Variants in SAMMSON observed in about 807,000 individuals in gnomAD.
The protein encoded by SAMMSON is long intergenic non-protein coding RNA 1212.
chr3:70,016,868 G>C (rs5956402), intron 3 of SAMMSON, among the ~76,000 whole-genome samples: 92 of 152,064 alleles, frequency 6.1e-4, no homozygotes, highest in African/African-American at 1.6e-3. Flanking sequence ...TCTTGTTTTT[G>C]TCAGGTTTGT....
intron 2 of SAMMSON, among the ~76,000 whole-genome samples, chr3:70,403,733 TTATAA>T (rs112936819): frequency 1.3e-3 from 194 of 152,288 alleles, no homozygotes; most frequent in African/African-American, 4.4e-3. Flanking sequence ...TATAGAAATC[TTATAA>T]TAGGATACTA....
At chr3:70,324,827 TAAA>T (rs1394880046) in intron 7 of SAMMSON, among the ~76,000 whole-genome samples, 15 of 151,218 alleles carry the variant, frequency 9.9e-5, no homozygotes, top group African/African-American at 3.6e-4. Context: ...TCATGATATA[TAAA>T]CAGGTGATAG....
intron 2 of SAMMSON, among the ~76,000 whole-genome samples, chr3:70,411,132 G>T (rs960879674): frequency 2.0e-5 from 3 of 152,158 alleles, no homozygotes; most frequent in Non-Finnish European, 2.9e-5. Flanking sequence ...GGTACAGCCT[G>T]TAAAGGAGAT....
Position 70,256,030 on chromosome 3 carries a change from A to G in SAMMSON, n.674+6360A>G, listed in dbSNP as rs1314566822. On this transcript the variant is annotated intron_variant and non_coding_transcript_variant, in intron 6 of 9. Coordinates refer to ENST00000642114, the Ensembl canonical transcript of SAMMSON. ...TGAACCAGTTTATAGGTGTAATAGT[A>G]CCACCCCAAATTATTTTTTTGATAC... 2.6e-5 allele frequency among the ~76,000 whole-genome samples: 4 copies of G among 152,196 alleles called. No homozygotes were observed. In the South Asian group the frequency reaches 6.2e-4, roughly 24 times the overall value.
At chr3:70,218,911 A>T (rs1701437983) in intron 4 of SAMMSON, among the ~76,000 whole-genome samples, 1 of 152,164 alleles carries the variant, frequency 6.6e-6, no homozygotes, top group Admixed American at 6.6e-5. Flanking sequence ...AGAGTGTTAA[A>T]ATAAGCTACC....
chr3:70,395,331 C>CTCT lies in SAMMSON; in HGVS notation n.233+37008_233+37009insCTT, dbSNP rs764856088. Among the ~76,000 whole-genome samples the CTCT allele has an allele frequency of 1.4e-3, 157 of 113,624 alleles. 2 individuals carry two copies. The South Asian group carries it at 0.018, about 13-fold the overall frequency. 74.5% of individuals were successfully genotyped at this position (113,624 alleles called of 152,430 possible). On this transcript the variant is annotated intron_variant and non_coding_transcript_variant, in intron 2 of 3. Coordinates refer to the SAMMSON transcript ENST00000641053. ...CTCTCCTCTCCTTCTCTCTCTCTCT[C>CTCT]TTTTTTTTTTTTTTTTTTGTGTTGT...
At chr3:70,375,032 A>T (rs1358149797) in intron 9 of SAMMSON, among the ~76,000 whole-genome samples, 1 of 152,124 alleles carries the variant, frequency 6.6e-6, no homozygotes, top group Non-Finnish European at 1.5e-5. Context: ...CCCGTATGTT[A>T]TATATCTATA....
chr3:70,410,300 G>A (rs1029010016), intron 2 of SAMMSON, among the ~76,000 whole-genome samples: 2 of 152,168 alleles, frequency 1.3e-5, no homozygotes. Context: ...TGTAGCTGCA[G>A]AAGTGAAGAT....
chr3:70,145,114 A>C (rs141667413), intron 4 of SAMMSON, among the ~76,000 whole-genome samples: 2 of 152,194 alleles, frequency 1.3e-5, no homozygotes, highest in African/African-American at 4.8e-5. Flanking sequence ...CAGCCATAGA[A>C]AATCTCAGGT....
chr3:70,340,101 G>C (rs1020436060), intron 7 of SAMMSON, among the ~76,000 whole-genome samples: 1 of 151,966 alleles, frequency 6.6e-6, no homozygotes, highest in Non-Finnish European at 1.5e-5. Context: ...CATGTCCTTT[G>C]TAGGGACATG....
At chr3:70,113,289 C>A (rs572613148) in intron 4 of SAMMSON, among the ~76,000 whole-genome samples, 1 of 152,252 alleles carries the variant, frequency 6.6e-6, no homozygotes, top group South Asian at 2.1e-4. Context: ...TTACTTTCCC[C>A]AAATCAATTT....
intron 4 of SAMMSON, among the ~76,000 whole-genome samples, chr3:70,185,176 T>A (rs1448443955): frequency 6.6e-6 from 1 of 152,128 alleles, no homozygotes; most frequent in African/African-American, 2.4e-5. Flanking sequence ...GTTTTAAGCA[T>A]CAGACTCCAC....
intron 3 of SAMMSON, among the ~76,000 whole-genome samples, chr3:70,031,252 C>A (rs565639452): frequency 1.3e-5 from 2 of 151,802 alleles, no homozygotes; most frequent in Non-Finnish European, 2.9e-5. Context: ...CATAAATGAA[C>A]CTTAAAAACA....
At chr3:70,165,854 A>AAAATG (rs2067634849) in intron 4 of SAMMSON, among the ~76,000 whole-genome samples, 3 of 152,020 alleles carry the variant, frequency 2.0e-5, no homozygotes, top group Admixed American at 6.6e-5. Flanking sequence ...TTGCCATCGG[A>AAAATG]AAATGTGCCA....
At chr3:70,398,605 T>G (rs905419701) in intron 2 of SAMMSON, among the ~76,000 whole-genome samples, 6 of 152,218 alleles carry the variant, frequency 3.9e-5, no homozygotes, top group African/African-American at 1.4e-4. Flanking sequence ...CATATTAAAA[T>G]AGTTCATTAT....
downstream of SAMMSON, among the ~76,000 whole-genome samples, chr3:70,392,819 G>A (rs1404374768): frequency 6.6e-6 from 1 of 152,042 alleles, no homozygotes; most frequent in Non-Finnish European, 1.5e-5. Context: ...TACTACCTTT[G>A]ACTCAGGCCA....
At chr3:70,216,582 A>G (rs912961060) in intron 4 of SAMMSON, among the ~76,000 whole-genome samples, 1 of 152,092 alleles carries the variant, frequency 6.6e-6, no homozygotes, top group African/African-American at 2.4e-5. Context: ...AATAGGCTAT[A>G]CTATCTAGAT....
intron 3 of SAMMSON, among the ~76,000 whole-genome samples, chr3:70,036,816 A>T (rs962481156): frequency 2.0e-5 from 3 of 152,026 alleles, no homozygotes; most frequent in African/African-American, 7.2e-5. Flanking sequence ...GCTCTATATT[A>T]AAAAAATTGC....
intron 4 of SAMMSON, among the ~76,000 whole-genome samples, chr3:70,078,855 C>T (rs2067258166): frequency 6.6e-6 from 1 of 152,150 alleles, no homozygotes. Flanking sequence ...AGTGCTGGCT[C>T]AGCTCAGTAA....
Sources: gnomAD v4.1 joint callset for allele counts (sites outside exome capture counted in the v4.1 genomes callset) on GRCh38, gnomAD v4.1.1 for gene constraint, MANE v1.5 for transcripts, NCBI Gene and HGNC (gene_info 2026-07-23, HGNC 2026-07-21) for gene names.